SLC3A2: variants seen among roughly 807,000 people sequenced by gnomAD.
The protein encoded by SLC3A2 is amino acid transporter heavy chain SLC3A2.
Under a neutral mutation model 48.5 loss-of-function variants are expected in SLC3A2, and 32 were observed. The observed-to-expected ratio is 0.66, with a 90% confidence interval of 0.50 to 0.89. The LOEUF (loss-of-function observed/expected upper bound fraction) is 0.89. Ranked by LOEUF, SLC3A2 falls within the 40% of genes least tolerant of loss-of-function variation. The pLI is 0.00. For missense variants in SLC3A2, 587 were observed against 680.7 expected (o/e 0.86, Z 1.53); for synonymous variants, 277 against 288.8 (o/e 0.96, Z 0.41).
At chr11:62,857,586 A>T (rs918429405) in intron 1 of SLC3A2, among the ~76,000 whole-genome samples, 4 of 147,958 alleles carry the variant, frequency 2.7e-5, no homozygotes, top group Admixed American at 1.4e-4. Flanking sequence ...GCTGCTTGGG[A>T]GGCTAAGGTG....
intron 5 of SLC3A2, 58 bp from the exon 6 acceptor site, chr11:62,885,119 C>T (rs556523086): frequency 2.5e-6 from 4 of 1,582,032 alleles, no homozygotes; most frequent in East Asian, 4.5e-5. Flanking sequence ...GCGTGAGCCA[C>T]TGCGCCTGGC....
Position 62,886,087 on chromosome 11 carries a change from C to T in SLC3A2, c.1143+479C>T, listed in dbSNP as rs369979863. Among the ~76,000 whole-genome samples the T allele has an allele frequency of 4.6e-5, 7 of 152,154 alleles. No individual in the cohort carries two copies. The East Asian group carries it at 9.7e-4, about 21-fold the overall frequency. Reference sequence around the variant, plus strand: ...GGTGGATCACTGGAGGTAAGGAGTTCGAAACCAGCCTAGCCAACAGGGTGA... The same window carrying T: ...GGTGGATCACTGGAGGTAAGGAGTTTGAAACCAGCCTAGCCAACAGGGTGA... On this transcript the variant is annotated intron_variant, in intron 7 of 8. Transcript: ENST00000338663.
In SLC3A2 at chr11:62,881,788, C is replaced by T. The variant is rs933788989; in HGVS notation, c.425-105C>T. ...TTCAGCCTTGCCTCCCTCTCTCCCC[C>T]TTTGCCCCCTCCCCGTCCCACCCTT... is the stretch of plus-strand genomic sequence containing the variant. On this transcript the variant is annotated intron_variant, in intron 1 of 8. Coordinates refer to ENST00000338663, the MANE Select transcript of SLC3A2 (RefSeq NM_001013251.3). The surrounding 1 kb of genome is among the most constrained non-coding windows in gnomAD (Gnocchi z 4.0). The T allele has an allele frequency of 2.2e-6, 3 of 1,334,402 alleles. No homozygotes were observed. The highest frequency in any genetic ancestry group is 2.3e-5 in the East Asian group (1 of 43,134). 82.7% of individuals were successfully genotyped at this position (1,334,402 alleles called of 1,614,324 possible).
intron 1 of SLC3A2, among the ~76,000 whole-genome samples, chr11:62,868,347 T>C (rs2085474765): frequency 6.6e-6 from 1 of 151,494 alleles, no homozygotes; most frequent in Non-Finnish European, 1.5e-5. Flanking sequence ...TGTTGGTGGG[T>C]AAAAGGGTAT....
At chr11:62,882,133 A>T in intron 2 of SLC3A2, 67 bp downstream of exon 2, 1 of 1,581,368 alleles carries the variant, frequency 6.3e-7, no homozygotes, top group Non-Finnish European at 8.7e-7. Flanking sequence ...GTAGGCTAGA[A>T]CTTTTGTCTG....
intron 7 of SLC3A2, 134 bp downstream of exon 7, chr11:62,885,742 A>G (rs1283253233): frequency 1.3e-5 from 13 of 994,186 alleles, no homozygotes; most frequent in African/African-American, 1.1e-4. Flanking sequence ...CTGAGTGGCT[A>G]TGTGGCTTTG....
At chr11:62,880,416 G>C (rs1037665317), upstream of SLC3A2, 22 of 152,546 alleles carry the variant, frequency 1.4e-4, no homozygotes, top group African/African-American at 5.1e-4. Flanking sequence ...CCAGAGGCCT[G>C]AGAGGGCAAG....
At chr11:62,878,022 G>A (rs1252751916), upstream of SLC3A2, among the ~76,000 whole-genome samples, 3 of 152,122 alleles carry the variant, frequency 2.0e-5, no homozygotes, top group South Asian at 2.1e-4. Context: ...CGGGTGTGGC[G>A]GTGCACGCCT....
intron 1 of SLC3A2, among the ~76,000 whole-genome samples, chr11:62,864,257 C>T (rs1340997235): frequency 1.3e-5 from 2 of 151,924 alleles, no homozygotes; most frequent in Admixed American, 6.6e-5. Flanking sequence ...GGCCAAGGAC[C>T]CAATGCGATT....
chr11:62,870,243 G>A (rs764517928), intron 1 of SLC3A2, among the ~76,000 whole-genome samples: 4 of 151,194 alleles, frequency 2.6e-5, no homozygotes, highest in Admixed American at 6.6e-5. Flanking sequence ...GTGCAGTGGC[G>A]TGATCTCGGC....
At chr11:62,861,766 T>C (rs1282599088) in intron 1 of SLC3A2, among the ~76,000 whole-genome samples, 1 of 151,160 alleles carries the variant, frequency 6.6e-6, no homozygotes, top group Non-Finnish European at 1.5e-5. Flanking sequence ...AAATACAAAA[T>C]CAGCCAGGCG....
chr11:62,861,910 CAAAAAA>C (rs1189861840), intron 1 of SLC3A2, among the ~76,000 whole-genome samples: 3 of 59,166 alleles, frequency 5.1e-5, no homozygotes, highest in African/African-American at 1.6e-4. Context: ...AAACCTCTCT[CAAAAAA>C]AAAAAAAAAA....
At chr11:62,865,023 C>T (rs904155719) in intron 1 of SLC3A2, among the ~76,000 whole-genome samples, 2 of 152,128 alleles carry the variant, frequency 1.3e-5, no homozygotes, top group Non-Finnish European at 2.9e-5. Context: ...CTGTAAGTCC[C>T]CACTGTAATG....
At chr11:62,882,211 A>C in intron 2 of SLC3A2, 145 bp downstream of exon 2, 2 of 932,092 alleles carry the variant, frequency 2.1e-6, no homozygotes, top group Non-Finnish European at 3.2e-6. Flanking sequence ...TCTTCAGCCT[A>C]AAATGGATTT....
chr11:62,884,153 G>A (rs1208416617), intron 3 of SLC3A2: 1 of 537,950 alleles, frequency 1.9e-6, no homozygotes, highest in Non-Finnish European at 3.5e-6. Context: ...ACGAAGTTAT[G>A]TTTATGGACA....
chr11:62,874,517 T>C (rs2085550678), intron 1 of SLC3A2, among the ~76,000 whole-genome samples: 1 of 152,196 alleles, frequency 6.6e-6, no homozygotes, highest in Non-Finnish European at 1.5e-5. Context: ...TCTATTTCTT[T>C]CACTCTTTCT....
chr11:62,881,799 C>G lies in SLC3A2; in HGVS notation c.425-94C>G. The stretch of plus-strand genomic sequence containing the variant: ...CTCCCTCTCTCCCCCTTTGCCCCCT[C>G]CCCGTCCCACCCTTAGGCGCTGGGA... On this transcript the variant is annotated intron_variant, in intron 1 of 8. Transcript: ENST00000338663. This position sits in a 1 kb window ranked among gnomAD's most constrained non-coding sequence, Gnocchi z 4.0. 1 of 1,446,794 alleles carries G rather than the reference C, an allele frequency of 6.9e-7. No individual in the cohort carries two copies. Among genetic ancestry groups the G allele is most frequent in the East Asian group, 2.3e-5 (1 of 43,784 alleles). The allele number at this position is 1,446,794 out of a possible 1,614,324, so 89.6% of individuals were successfully genotyped here.
upstream of SLC3A2, among the ~76,000 whole-genome samples, chr11:62,877,746 G>A (rs1315477505): frequency 6.6e-6 from 1 of 152,268 alleles, no homozygotes; most frequent in Non-Finnish European, 1.5e-5. Flanking sequence ...AGCCTGGTGT[G>A]TTGTGAGTCT....
At chr11:62,864,598 C>G (rs1426253705) in intron 1 of SLC3A2, among the ~76,000 whole-genome samples, 1 of 145,870 alleles carries the variant, frequency 6.9e-6, no homozygotes, top group Non-Finnish European at 1.5e-5. Flanking sequence ...TTGCGAGTAG[C>G]TGGGATTACA....
Sources: allele counts gnomAD v4.1 joint callset (sites outside exome capture counted in the v4.1 genomes callset), GRCh38; gene constraint gnomAD v4.1.1; non-coding constraint Gnocchi (gnomAD v3.1); transcripts MANE v1.5; gene names NCBI Gene and HGNC (gene_info 2026-07-23, HGNC 2026-07-21).